IPO11: variants seen among roughly 807,000 people sequenced by gnomAD.
IPO11 encodes importin 11.
A neutral mutation model predicts 143.2 loss-of-function variants in IPO11; 66 were observed. That is an observed-to-expected ratio of 0.46 (90% CI 0.38 to 0.57). The LOEUF (loss-of-function observed/expected upper bound fraction) is 0.57. IPO11 is among the 20% of genes least tolerant of loss of function. The probability of loss-of-function intolerance (pLI) is 0.00; values close to 1 mark genes in which losing one functional copy is unlikely to be tolerated. For synonymous variants in IPO11, 385 were observed against 377.8 expected (o/e 1.02, Z -0.22); for missense variants, 1,026 against 1,141.0 (o/e 0.90, Z 1.45).
intron 29 of IPO11, 66 bp downstream of exon 29, chr5:62,601,914 AT>A: frequency 1.1e-6 from 1 of 946,090 alleles, no homozygotes; most frequent in Non-Finnish European, 1.6e-6. Context: ...AGGTTCAGAA[AT>A]ATCTATGGTC....
intron 20 of IPO11, among the ~76,000 whole-genome samples, chr5:62,521,444 T>G (rs920709362): frequency 1.3e-5 from 2 of 152,200 alleles, no homozygotes; most frequent in African/African-American, 4.8e-5. Context: ...GGAGCCATTC[T>G]AATTCTTGAT....
intron 27 of IPO11, chr5:62,579,373 T>C (rs1460461029): frequency 6.9e-7 from 1 of 1,452,288 alleles, no homozygotes; most frequent in African/African-American, 1.4e-5. Flanking sequence ...GTTTTCGTGA[T>C]TTAAAGCTTT....
At chr5:62,458,534 C>T (rs1359792296) in intron 5 of IPO11, among the ~76,000 whole-genome samples, 1 of 152,206 alleles carries the variant, frequency 6.6e-6, no homozygotes, top group Non-Finnish European at 1.5e-5. Flanking sequence ...CTTCTGACCT[C>T]AAATGATCTG....
At chr5:62,494,502 A>G (rs568863023) in intron 16 of IPO11, among the ~76,000 whole-genome samples, 3 of 151,930 alleles carry the variant, frequency 2.0e-5, no homozygotes, top group African/African-American at 7.2e-5. Context: ...CATTTTGAGA[A>G]TTTTTTTTAA....
chr5:62,476,597 C>A, intron 8 of IPO11, 86 bp from the exon 9 acceptor site: 1 of 1,334,836 alleles, frequency 7.5e-7, no homozygotes, highest in South Asian at 1.4e-5. Context: ...AAAAATAAAA[C>A]CAGCAATATT....
At chr5:62,554,578 T>C (rs568710032) in intron 26 of IPO11, among the ~76,000 whole-genome samples, 1 of 152,274 alleles carries the variant, frequency 6.6e-6, no homozygotes, top group South Asian at 2.1e-4. Flanking sequence ...CTTAAATCAG[T>C]TGGCTGTAAA....
chr5:62,504,845 A>C lies in IPO11; in HGVS notation c.1625-13A>C. The C allele has an allele frequency of 6.5e-7, 1 of 1,536,842 alleles. No individual in the cohort carries two copies. The highest frequency in any genetic ancestry group is 8.9e-7 in the Non-Finnish European group (1 of 1,125,048). ...AACTTATATATTCTCAGTATTCCTT[A>C]ACTGTTCTTCACCTGTTGATGATTT... On this transcript the variant is annotated splice_polypyrimidine_tract_variant and intron_variant, in intron 17 of 29. Transcript: ENST00000325324.
At chr5:62,478,893 C>T (rs925826812) in intron 9 of IPO11, among the ~76,000 whole-genome samples, 5 of 152,120 alleles carry the variant, frequency 3.3e-5, no homozygotes, top group African/African-American at 7.2e-5. Flanking sequence ...TATTGTATGA[C>T]GTGCACACAT....
At chr5:62,579,684 A>T in intron 27 of IPO11, 1 of 1,547,098 alleles carries the variant, frequency 6.5e-7, no homozygotes, top group Non-Finnish European at 8.7e-7. Context: ...AATTAACAGG[A>T]CTTCATTCTC....
intron 15 of IPO11, among the ~76,000 whole-genome samples, chr5:62,491,779 C>T (rs759954409): frequency 3.3e-5 from 5 of 151,264 alleles, no homozygotes; most frequent in Admixed American, 6.6e-5. Context: ...CGTTCTCCTG[C>T]CTCAGCCTCC....
chr5:62,450,102 C>T (rs1744857259), intron 4 of IPO11, 103 bp downstream of exon 4: 2 of 630,736 alleles, frequency 3.2e-6, no homozygotes, highest in South Asian at 2.9e-5. Context: ...ATCACTATTA[C>T]ACTATTTTCA....
intron 16 of IPO11, among the ~76,000 whole-genome samples, chr5:62,500,426 C>T (rs1741308806): frequency 6.6e-6 from 1 of 152,112 alleles, no homozygotes; most frequent in African/African-American, 2.4e-5. Flanking sequence ...GTAGCATATA[C>T]ATAAGCCAGT....
chr5:62,597,435 C>T (rs948044715), intron 28 of IPO11, among the ~76,000 whole-genome samples: 2 of 152,076 alleles, frequency 1.3e-5, no homozygotes, highest in African/African-American at 4.8e-5. Flanking sequence ...AGGGCTGTAC[C>T]TGGTCAGATA....
chr5:62,499,932 C>A (rs1273884475), intron 16 of IPO11, among the ~76,000 whole-genome samples: 1 of 152,146 alleles, frequency 6.6e-6, no homozygotes, highest in Non-Finnish European at 1.5e-5. Context: ...CATCTTGTCC[C>A]ACTAGAAGGT....
rs187205942 is a variant in IPO11, at chr5:62,553,569, T to C, written c.2460+2233T>C. Among the ~76,000 whole-genome samples the C allele has an allele frequency of 8.5e-5, 13 of 152,274 alleles. No homozygotes were observed. In the East Asian group the frequency reaches 1.5e-3, roughly 18 times the overall value. The stretch of plus-strand genomic sequence containing the variant: ...TTGTAGTTTTTTGAGGAAACTCATA[T>C]TGTTCTCCATAATGGCTACACTAGT... On this transcript the variant is annotated intron_variant, in intron 26 of 29. Transcript: ENST00000325324.
intron 27 of IPO11, among the ~76,000 whole-genome samples, chr5:62,571,072 C>T (rs1031076741): frequency 6.6e-6 from 1 of 152,180 alleles, no homozygotes; most frequent in East Asian, 1.9e-4. Flanking sequence ...TAATGAGTCT[C>T]GTGTGCTTTC....
At chr5:62,566,584 G>C (rs1351132215) in intron 27 of IPO11, among the ~76,000 whole-genome samples, 1 of 151,696 alleles carries the variant, frequency 6.6e-6, no homozygotes, top group Non-Finnish European at 1.5e-5. Context: ...AAACAATACA[G>C]AAAACTAACT....
chr5:62,421,961 G>C (rs1326208901), intron 1 of IPO11, among the ~76,000 whole-genome samples: 1 of 152,138 alleles, frequency 6.6e-6, no homozygotes, highest in Non-Finnish European at 1.5e-5. Context: ...TTTGGAGAGA[G>C]GACTGATGAT....
At chr5:62,598,515 TTTCTTTC>T (rs1745353739) in intron 28 of IPO11, among the ~76,000 whole-genome samples, 1 of 7,168 alleles carries the variant, frequency 1.4e-4, no homozygotes, top group Admixed American at 2.8e-3. Flanking sequence ...TCTTTCTTTC[TTTCTTTC>T]TTTCTTTTCT....
Sources: allele counts gnomAD v4.1 joint callset (sites outside exome capture counted in the v4.1 genomes callset), GRCh38; gene constraint gnomAD v4.1.1; transcripts MANE v1.5; gene names NCBI Gene and HGNC (gene_info 2026-07-23, HGNC 2026-07-21).